The following SIDT1 variants were observed in gnomAD, a reference collection of about 807,000 sequenced individuals.
SIDT1 encodes SID1 transmembrane family member 1, also known as SID1 transmembrane family, member 1.
Under a neutral mutation model 107.5 loss-of-function variants are expected in SIDT1, and 101 were observed. The ratio of observed to expected loss-of-function variants is 0.94; its 90% confidence interval spans 0.80 to 1.11. The LOEUF is 1.11. Among genes scored for constraint, SIDT1 ranks in the 50% least tolerant of loss-of-function variants. The pLI, the probability that SIDT1 is intolerant of heterozygous loss-of-function variation, is 0.00. For missense variants in SIDT1, 1,076 were observed against 1,058.2 expected (o/e 1.02, Z -0.23); for synonymous variants, 395 against 398.2 (o/e 0.99, Z 0.10).
intron 9 of SIDT1, among the ~76,000 whole-genome samples, chr3:113,590,943 C>T (rs935694699): frequency 6.6e-6 from 1 of 152,126 alleles, no homozygotes; most frequent in Non-Finnish European, 1.5e-5. Flanking sequence ...GAATATGTTA[C>T]CTTACCTGGC....
At chr3:113,595,005 C>T (rs1334897529) in intron 10 of SIDT1, 2 of 154,248 alleles carry the variant, frequency 1.3e-5, no homozygotes, top group Non-Finnish European at 2.9e-5. Flanking sequence ...TCAGCAACTT[C>T]TTGTGTTTCA....
At chr3:113,603,807 A>C (rs1450988224) in intron 12 of SIDT1, among the ~76,000 whole-genome samples, 153 bp from the exon 13 acceptor site, 2 of 152,244 alleles carry the variant, frequency 1.3e-5, no homozygotes, top group African/African-American at 2.4e-5. Flanking sequence ...AATTTGATTT[A>C]CTTAATCAAA....
chr3:113,546,247 T>C lies in SIDT1; in HGVS notation c.222+13004T>C, dbSNP rs541803548. On this transcript the variant is annotated intron_variant, in intron 1 of 24. Transcript: ENST00000264852. ...TCATTGTTCTGATATTTTTCCACCA[T>C]GTGTCAGACTGTAATTTTTTTAACT... Among the ~76,000 whole-genome samples the C allele has an allele frequency of 5.5e-4, 84 of 152,344 alleles. 1 individual carries two copies. The highest frequency in any genetic ancestry group is 1.9e-3 in the African/African-American group (77 of 41,594).
chr3:113,596,849 C>G (rs1457244489), intron 10 of SIDT1, among the ~76,000 whole-genome samples: 3 of 152,208 alleles, frequency 2.0e-5, no homozygotes, highest in East Asian at 1.9e-4. Flanking sequence ...AATGCAAGAG[C>G]TTGGCAGGCC....
chr3:113,544,777 G>T (rs562631793), intron 1 of SIDT1, among the ~76,000 whole-genome samples: 2 of 152,184 alleles, frequency 1.3e-5, no homozygotes, highest in South Asian at 4.1e-4. Flanking sequence ...GTTTCTCCCA[G>T]ATTTCTCCAC....
At chr3:113,549,769 T>C (rs1940006829) in intron 1 of SIDT1, among the ~76,000 whole-genome samples, 1 of 152,224 alleles carries the variant, frequency 6.6e-6, no homozygotes, top group African/African-American at 2.4e-5. Context: ...TATTAATTTT[T>C]TTCATGGATC....
chr3:113,592,729 A>G, intron 9 of SIDT1: 2 of 367,560 alleles, frequency 5.4e-6, no homozygotes, highest in Non-Finnish European at 1.0e-5. Context: ...CTGGGACTAC[A>G]GGCACCTGCC....
At position 113,615,884 on chromosome 3, in the gene SIDT1, C is replaced by G; in HGVS notation, c.1967-216C>G. 4 of 575,560 alleles carry G rather than the reference C, an allele frequency of 6.9e-6. No individual in the cohort carries two copies. In the South Asian group the frequency reaches 8.1e-5, roughly 12 times the overall value. The allele number at this position is 575,560 out of a possible 1,614,324, so 35.7% of individuals were successfully genotyped here. A position where few individuals can be genotyped will look rare whatever the true frequency, so the allele number is the denominator to read the frequency against. On this transcript the variant is annotated intron_variant, in intron 19 of 24. Coordinates refer to ENST00000264852, the MANE Select transcript of SIDT1 (RefSeq NM_017699.3). ...TTGTTGTTCATGTCCATCTTCCTTG[C>G]CTTTCTGCTGTGTAATGCACAGATA...
intron 10 of SIDT1, among the ~76,000 whole-genome samples, chr3:113,594,420 T>A (rs1188182294): frequency 6.6e-6 from 1 of 152,304 alleles, no homozygotes; most frequent in South Asian, 2.1e-4. Flanking sequence ...GTTTTGTGCC[T>A]CCAAGTTTTG....
At chr3:113,583,573 T>G in intron 7 of SIDT1, 77 bp downstream of exon 7, 1 of 1,089,774 alleles carries the variant, frequency 9.2e-7, no homozygotes, top group Non-Finnish European at 1.3e-6. Flanking sequence ...GAAACCTCCT[T>G]TCTAGTTCCC....
chr3:113,624,683 TC>T (rs1946721315), intron 23 of SIDT1, among the ~76,000 whole-genome samples: 2 of 152,138 alleles, frequency 1.3e-5, no homozygotes. Flanking sequence ...TTTCCCCTCA[TC>T]TCCCTCTCCC....
At chr3:113,578,872 T>C (rs1042393153) in intron 4 of SIDT1, among the ~76,000 whole-genome samples, 2 of 152,082 alleles carry the variant, frequency 1.3e-5, no homozygotes, top group South Asian at 4.1e-4. Context: ...AAAATTTAAA[T>C]AATTTGTATT....
intron 24 of SIDT1, 51 bp downstream of exon 24, chr3:113,626,266 A>G (rs1553817695): frequency 8.1e-7 from 1 of 1,236,200 alleles, no homozygotes; most frequent in Admixed American, 1.8e-5. Context: ...TACATCTTGT[A>G]CTCTCTTTTT....
intron 17 of SIDT1, 119 bp from the exon 18 acceptor site, chr3:113,610,889 A>G: frequency 1.6e-6 from 2 of 1,234,528 alleles, no homozygotes; most frequent in Non-Finnish European, 2.3e-6. Context: ...GCCTGCGGGT[A>G]GAAAATAGTC....
At chr3:113,544,984 G>A (rs890708422) in intron 1 of SIDT1, among the ~76,000 whole-genome samples, 10 of 151,762 alleles carry the variant, frequency 6.6e-5, no homozygotes, top group Admixed American at 3.9e-4. Context: ...GCGTGGTGGC[G>A]TGCACCTGTA....
At chr3:113,567,519 C>T in intron 2 of SIDT1, 21 bp from the exon 3 acceptor site, 1 of 1,576,904 alleles carries the variant, frequency 6.3e-7, no homozygotes. Context: ...TTATTTTTTT[C>T]CCCTATATTG....
chr3:113,599,847 A>G (rs9819648), intron 10 of SIDT1, among the ~76,000 whole-genome samples: 56,003 of 151,892 alleles, frequency 0.37, 10,704 homozygotes, highest in African/African-American at 0.49. Context: ...ATTGCATTCT[A>G]TGTTGAAAAT....
At chr3:113,622,051 G>A (rs999239830) in intron 21 of SIDT1, among the ~76,000 whole-genome samples, 1 of 152,112 alleles carries the variant, frequency 6.6e-6, no homozygotes, top group Admixed American at 6.5e-5. Context: ...AAATAGTGAG[G>A]CACCGATCTA....
At chr3:113,592,503 T>C (rs1419454206) in intron 9 of SIDT1, among the ~76,000 whole-genome samples, 1 of 152,228 alleles carries the variant, frequency 6.6e-6, no homozygotes, top group African/African-American at 2.4e-5. Context: ...TGCACCATTT[T>C]ACATTCCCAC....
Sources: gnomAD v4.1 joint callset for allele counts (sites outside exome capture counted in the v4.1 genomes callset) on GRCh38, gnomAD v4.1.1 for gene constraint, MANE v1.5 for transcripts, NCBI Gene and HGNC (gene_info 2026-07-23, HGNC 2026-07-21) for gene names.